USH2A: variants seen among roughly 807,000 people sequenced by gnomAD.
USH2A encodes Usher syndrome 2A (autosomal recessive, mild).
USH2A carries 443 observed loss-of-function variants against 538.9 expected under a neutral mutation model. That is an observed-to-expected ratio of 0.82 (90% confidence interval 0.76 to 0.89). USH2A has a LOEUF of 0.89. Among genes scored for constraint, USH2A ranks in the 40% least tolerant of loss-of-function variants. The pLI is 0.00. For synonymous variants in USH2A, 2,413 were observed against 2,273.5 expected, an observed-to-expected ratio of 1.06 and a Z score of -1.75; for missense variants, 6,633 against 6,324.8, an observed-to-expected ratio of 1.05 and a Z score of -1.65.
At chr1:215,665,478 G>A (rs530397553) in intron 64 of USH2A, among the ~76,000 whole-genome samples, 7 of 152,266 alleles carry the variant, frequency 4.6e-5, no homozygotes, top group Middle Eastern at 3.4e-3. Flanking sequence ...AGGGGGGGTG[G>A]TGGCGGGCCC....
intron 44 of USH2A, among the ~76,000 whole-genome samples, chr1:215,855,641 C>G (rs1558129322): frequency 6.6e-6 from 1 of 152,024 alleles, no homozygotes; most frequent in Non-Finnish European, 1.5e-5. Flanking sequence ...CAATGCAATT[C>G]CCATCAAAAT....
chr1:216,152,616 A>C (rs1452636341), intron 21 of USH2A, among the ~76,000 whole-genome samples: 1 of 152,116 alleles, frequency 6.6e-6, no homozygotes, highest in Non-Finnish European at 1.5e-5. Flanking sequence ...GCCCGCCTGC[A>C]CCCAGGTGAA....
intron 52 of USH2A, among the ~76,000 whole-genome samples, chr1:215,785,978 T>C (rs1320522055): frequency 1.4e-5 from 2 of 146,844 alleles, no homozygotes; most frequent in Admixed American, 1.4e-4. Flanking sequence ...CAAACTTGAT[T>C]TTTCAAAAAA....
Position 215,888,542 on chromosome 1 carries a change from T to G in USH2A, c.8107A>C (p.Ser2703Arg). Reference sequence around the variant, plus strand: ...CTGTTTGTGCCTCCATGAAGAGTGCTCATCAGTACCCGATATTCATATTTT... The same window carrying G: ...CTGTTTGTGCCTCCATGAAGAGTGCGCATCAGTACCCGATATTCATATTTT... ...WTKYEYRVLM[S>R]TLHGGTNSSA... The change falls in exon 41 of 72, where the codon AGC becomes CGC. Residue 2703 changes from serine to arginine, a missense_variant. Ser to Arg is a moderately radical substitution (Grantham distance 110, BLOSUM62 -1). Transcript: ENST00000307340. 6.2e-7 allele frequency: 1 copy of G among 1,614,194 alleles called. No individual in the cohort carries two copies. Among genetic ancestry groups the G allele is most frequent in the Non-Finnish European group, 8.5e-7 (1 of 1,180,028 alleles).
chr1:216,385,930 A>AT (rs2038995917), intron 3 of USH2A, among the ~76,000 whole-genome samples: 1 of 152,166 alleles, frequency 6.6e-6, no homozygotes, highest in South Asian at 2.1e-4. Context: ...TCTAGGTTAA[A>AT]TTTTTTATAA....
intron 47 of USH2A, among the ~76,000 whole-genome samples, chr1:215,826,132 G>C (rs78262861): frequency 0.02 from 3,087 of 152,288 alleles, 99 homozygotes; most frequent in African/African-American, 0.07. Flanking sequence ...TGGCATAGAT[G>C]GATGAGTTTC....
At chr1:216,004,223 T>G (rs1432510076) in intron 32 of USH2A, among the ~76,000 whole-genome samples, 1 of 152,188 alleles carries the variant, frequency 6.6e-6, no homozygotes, top group African/African-American at 2.4e-5. Flanking sequence ...GAAGAGTTCA[T>G]GGCTTGAGAT....
chr1:215,685,483 G>A (rs1050793079), intron 61 of USH2A, among the ~76,000 whole-genome samples: 42 of 151,648 alleles, frequency 2.8e-4, no homozygotes, highest in African/African-American at 9.7e-4. Flanking sequence ...TCAGTCTCCC[G>A]AGTAGCTGGG....
chr1:215,687,818 C>A (rs1041557784), intron 61 of USH2A, among the ~76,000 whole-genome samples: 1 of 151,964 alleles, frequency 6.6e-6, no homozygotes, highest in African/African-American at 2.4e-5. Context: ...TTATTTAAGC[C>A]TTGATTAAAC....
At chr1:216,022,290 G>A (rs965015361) in intron 32 of USH2A, among the ~76,000 whole-genome samples, 1 of 152,156 alleles carries the variant, frequency 6.6e-6, no homozygotes, top group African/African-American at 2.4e-5. Flanking sequence ...ACTGGGGAGT[G>A]GCATTCTTGG....
At chr1:216,396,763 G>GA (rs1165489388) in intron 3 of USH2A, among the ~76,000 whole-genome samples, 2 of 151,964 alleles carry the variant, frequency 1.3e-5, no homozygotes, top group South Asian at 2.1e-4. Context: ...ATTGTAACAT[G>GA]AAAAAAAGAC....
intron 32 of USH2A, among the ~76,000 whole-genome samples, chr1:216,032,598 A>T (rs187853440): frequency 6.6e-6 from 1 of 152,106 alleles, no homozygotes; most frequent in African/African-American, 2.4e-5. Flanking sequence ...CCTTATATGG[A>T]GAAAAGGAAA....
intron 30 of USH2A, among the ~76,000 whole-genome samples, chr1:216,053,453 T>C (rs1441630758): frequency 7.5e-6 from 1 of 132,800 alleles, no homozygotes; most frequent in African/African-American, 2.8e-5. Flanking sequence ...CCCAGAGAAG[T>C]CTTTTTTTTT....
At chr1:216,239,726 G>A (rs1326499223) in intron 13 of USH2A, among the ~76,000 whole-genome samples, 1 of 152,172 alleles carries the variant, frequency 6.6e-6, no homozygotes, top group Non-Finnish European at 1.5e-5. Flanking sequence ...AAGGGGAGTA[G>A]GAGGCTACTT....
intron 13 of USH2A, among the ~76,000 whole-genome samples, chr1:216,237,258 A>G (rs1287958242): frequency 6.6e-6 from 1 of 152,132 alleles, no homozygotes; most frequent in Non-Finnish European, 1.5e-5. Context: ...TTGGGTTTTG[A>G]ACAACAAATG....
chr1:215,689,824 T>G (rs538065911), intron 61 of USH2A, among the ~76,000 whole-genome samples: 35 of 152,292 alleles, frequency 2.3e-4, no homozygotes, highest in Admixed American at 2.2e-3. Context: ...AACCTCCGGA[T>G]GAGAACACAG....
intron 37 of USH2A, among the ~76,000 whole-genome samples, chr1:215,964,873 C>T (rs976692243): frequency 3.3e-5 from 5 of 152,138 alleles, no homozygotes; most frequent in African/African-American, 1.2e-4. Flanking sequence ...GTTCAGAAAT[C>T]TAAAACAGTC....
intron 37 of USH2A, among the ~76,000 whole-genome samples, chr1:215,963,469 C>T (rs1667251948): frequency 6.6e-6 from 1 of 152,054 alleles, no homozygotes; most frequent in Non-Finnish European, 1.5e-5. Flanking sequence ...TAAGTCAAAT[C>T]TCGTAATTGC....
intron 4 of USH2A, among the ~76,000 whole-genome samples, chr1:216,354,120 G>C (rs1388887386): frequency 1.3e-5 from 2 of 152,098 alleles, no homozygotes; most frequent in Non-Finnish European, 1.5e-5. Flanking sequence ...TCTGAAACCA[G>C]TAGTGAGCTA....
Sources: allele counts gnomAD v4.1 joint callset (sites outside exome capture counted in the v4.1 genomes callset), GRCh38; gene constraint gnomAD v4.1.1; transcripts MANE v1.5; gene names NCBI Gene and HGNC (gene_info 2026-07-23, HGNC 2026-07-21).